Variants in NF1 observed in about 807,000 individuals in gnomAD.
The protein encoded by NF1 is neurofibromin.
A neutral mutation model predicts 325.7 loss-of-function variants in NF1; 122 were observed. The ratio of observed to expected loss-of-function variants is 0.37; its 90% CI spans 0.32 to 0.44. The LOEUF is 0.44. Ranked by LOEUF, NF1 falls within the 20% of genes least tolerant of loss-of-function variation. The probability of loss-of-function intolerance (pLI) is 1.00; values close to 1 mark genes in which losing one functional copy is unlikely to be tolerated. For missense variants in NF1, 2,140 were observed against 3,415.4 expected, an observed-to-expected ratio of 0.63 and a Z score of 9.31; for synonymous variants, 1,091 against 1,186.0, an observed-to-expected ratio of 0.92 and a Z score of 1.65.
At chr17:31,270,699 T>C (rs1466948881) in intron 36 of NF1, among the ~76,000 whole-genome samples, 1 of 152,232 alleles carries the variant, frequency 6.6e-6, no homozygotes, top group Non-Finnish European at 1.5e-5. Flanking sequence ...TGGCAATTGC[T>C]TTTTGGGTGG....
chr17:31,147,103 A>G (rs1191084425), intron 1 of NF1, among the ~76,000 whole-genome samples: 1 of 152,264 alleles, frequency 6.6e-6, no homozygotes, highest in East Asian at 1.9e-4. Flanking sequence ...TTATGTGTAT[A>G]GAAAAGGGCA....
At chr17:31,351,306 A>G (rs1449697938) in intron 50 of NF1, among the ~76,000 whole-genome samples, 1 of 152,210 alleles carries the variant, frequency 6.6e-6, no homozygotes, top group Non-Finnish European at 1.5e-5. Context: ...AATAGCTACG[A>G]GTAGATTTTA....
chr17:31,182,183 A>G (rs1415724650), intron 7 of NF1, among the ~76,000 whole-genome samples: 1 of 152,216 alleles, frequency 6.6e-6, no homozygotes, highest in Non-Finnish European at 1.5e-5. Flanking sequence ...GAACTTTGGT[A>G]ATTCTTTTTG....
intron 57 of NF1, among the ~76,000 whole-genome samples, chr17:31,373,393 C>T (rs986486612): frequency 2.6e-5 from 4 of 152,200 alleles, no homozygotes; most frequent in Non-Finnish European, 5.9e-5. Flanking sequence ...CACTAGTCTT[C>T]CCTGGTGGCT....
chr17:31,333,192 G>A (rs1340377119), intron 39 of NF1, among the ~76,000 whole-genome samples: 5 of 152,098 alleles, frequency 3.3e-5, no homozygotes, highest in African/African-American at 4.8e-5. Flanking sequence ...GGAATTGTGA[G>A]TAGAGGCAAT....
intron 1 of NF1, among the ~76,000 whole-genome samples, chr17:31,128,694 G>C (rs532734639): frequency 1.3e-5 from 2 of 151,936 alleles, no homozygotes; most frequent in African/African-American, 4.8e-5. Flanking sequence ...AGGCCGAGGC[G>C]GGCAGATCAT....
intron 4 of NF1, among the ~76,000 whole-genome samples, chr17:31,168,818 A>C (rs1174972046): frequency 6.6e-6 from 1 of 152,204 alleles, no homozygotes; most frequent in Non-Finnish European, 1.5e-5. Context: ...TTTAGTAATC[A>C]CTGATGATCA....
At chr17:31,170,314 G>T (rs1444845141) in intron 5 of NF1, among the ~76,000 whole-genome samples, 3 of 152,186 alleles carry the variant, frequency 2.0e-5, no homozygotes, top group South Asian at 2.1e-4. Flanking sequence ...GGTGGCTATA[G>T]GTTATAGAAG....
At chr17:31,269,679 G>A (rs1050410987) in intron 36 of NF1, among the ~76,000 whole-genome samples, 18 of 152,124 alleles carry the variant, frequency 1.2e-4, no homozygotes, top group Non-Finnish European at 2.5e-4. Flanking sequence ...TCTTTGTGTC[G>A]GTTTTATTCC....
chr17:31,185,294 A>G (rs1235853655), intron 8 of NF1, among the ~76,000 whole-genome samples: 1 of 152,194 alleles, frequency 6.6e-6, no homozygotes, highest in Non-Finnish European at 1.5e-5. Context: ...CTACACTCGT[A>G]AAGAACTGCT....
At chr17:31,255,847 T>TC (rs1304975381) in intron 31 of NF1, among the ~76,000 whole-genome samples, 1 of 152,174 alleles carries the variant, frequency 6.6e-6, no homozygotes, top group Non-Finnish European at 1.5e-5. Flanking sequence ...CCTTCTCCAC[T>TC]CCCAGTGCTT....
chr17:31,214,854 T>C (rs180683992), intron 13 of NF1, among the ~76,000 whole-genome samples: 88 of 152,302 alleles, frequency 5.8e-4, no homozygotes, highest in Admixed American at 4.2e-3. Flanking sequence ...TTTGATGAGA[T>C]CTCTGTTCTC....
rs2151554515 is a variant in NF1, at chr17:31,336,713, G to A, written c.6226G>A (p.Asp2076Asn). ...TACTTTAGAACAACATCTTATGTGG[G>A]ATGATATTGCTATTTTAGCACGCTA... Reference protein sequence around the residue: ...TPTLEQHLMWDDIAILARYML... With the variant: ...TPTLEQHLMWNDIAILARYML... Residue 2076 changes from aspartate to asparagine, a missense_variant, in exon 42 of 58, where the codon GAT becomes AAT. Asp to Asn is a conservative substitution (Grantham distance 23, BLOSUM62 1). Transcript: ENST00000358273. The surrounding 1 kb of genome is among the most constrained non-coding windows in gnomAD (Gnocchi z 5.5). 1.9e-6 allele frequency: 3 copies of A among 1,613,978 alleles called. No individual in the cohort carries two copies. The highest frequency in any genetic ancestry group is 2.5e-6 in the Non-Finnish European group (3 of 1,180,006).
At chr17:31,253,963 T>C (rs1180795646) in intron 31 of NF1, 1 of 152,096 alleles carries the variant, frequency 6.6e-6, no homozygotes, top group Non-Finnish European at 1.5e-5. Context: ...ATCTAAACTT[T>C]ACATATAATA....
chr17:31,334,980 A>G lies in NF1; in HGVS notation c.5955A>G (p.Glu1985=), dbSNP rs369043956. ...AGCTGATAACAATGACCATCAATGA[A>G]AAACAGATGTACCCATCTATTCAAG... ...LDKLITMTIN[E]KQMYPSIQAK... Residue 1985 remains glutamate, a synonymous_variant, in exon 40 of 58, where the codon GAA becomes GAG. Coordinates refer to ENST00000358273, the MANE Select transcript of NF1 (RefSeq NM_001042492.3). 9 of 1,613,616 alleles carry G rather than the reference A, an allele frequency of 5.6e-6. No individual in the cohort carries two copies. Among genetic ancestry groups the G allele is most frequent in the Admixed American group, 5.0e-5 (3 of 59,940 alleles).
intron 4 of NF1, among the ~76,000 whole-genome samples, chr17:31,167,624 GAAT>G (rs2065866430): frequency 6.6e-6 from 1 of 152,028 alleles, no homozygotes; most frequent in Non-Finnish European, 1.5e-5. Context: ...CTATTAATAT[GAAT>G]AATGAGTATG....
At position 31,095,371 on chromosome 17, in the gene NF1, T is replaced by A. The variant is rs2143145948; in HGVS notation, c.60+2T>A. 6.5e-7 allele frequency: 1 copy of A among 1,538,108 alleles called. No individual in the cohort carries two copies. The highest frequency in any genetic ancestry group is 8.7e-7 in the Non-Finnish European group (1 of 1,145,814). On this transcript the variant is annotated splice_donor_variant, in intron 1 of 57. Transcript: ENST00000358273. LOFTEE classifies it high-confidence loss of function. ...GTGGTCAGCCGCTTCGACGAGCAGG[T>A]AACCGGCCCGTGGCGGGCGGGAGGT... is the stretch of plus-strand genomic sequence containing the variant.
chr17:31,239,035 T>C (rs1180528090), intron 29 of NF1, among the ~76,000 whole-genome samples: 1 of 152,138 alleles, frequency 6.6e-6, no homozygotes, highest in Admixed American at 6.6e-5. Context: ...AACAAAACAT[T>C]ACAATGCATG....
At chr17:31,170,353 C>G (rs149612887) in intron 5 of NF1, among the ~76,000 whole-genome samples, 1 of 152,250 alleles carries the variant, frequency 6.6e-6, no homozygotes, top group Admixed American at 6.5e-5. Flanking sequence ...TAGCACTTTA[C>G]AAAGATTGTC....
Sources: gnomAD v4.1 joint callset for allele counts (sites outside exome capture counted in the v4.1 genomes callset) on GRCh38, gnomAD v4.1.1 for gene constraint, Gnocchi (gnomAD v3.1) non-coding constraint, MANE v1.5 for transcripts, NCBI Gene and HGNC (gene_info 2026-07-23, HGNC 2026-07-21) for gene names.